PDCD1LG2: variants seen among roughly 807,000 people sequenced by gnomAD.
The protein encoded by PDCD1LG2 is B7 dendritic cell molecule.
Under a neutral mutation model 28.2 loss-of-function variants are expected in PDCD1LG2, and 32 were observed. That is an observed-to-expected ratio of 1.13 (90% CI 0.86 to 1.52). The LOEUF is 1.52. Ranked by LOEUF, PDCD1LG2 falls within the 40% of genes most tolerant of loss-of-function variation. PDCD1LG2 has a pLI of 0.00. For missense variants in PDCD1LG2, 385 were observed against 323.8 expected (o/e 1.19, Z -1.45); for synonymous variants, 116 against 120.2 (o/e 0.97, Z 0.23).
chr9:5,534,969 G>A lies in PDCD1LG2; in HGVS notation c.280G>A (p.Val94Met), dbSNP rs749519579. Reference protein sequence around the residue: ...KASFHIPQVQVRDEGQYQCII... With the variant: ...KASFHIPQVQMRDEGQYQCII... ...CTCGTTCCACATACCTCAAGTCCAA[G>A]TGAGGGACGAAGGACAGTACCAATG... The change falls in exon 3 of 7, where the codon GTG becomes ATG. Residue 94 changes from valine (V) to methionine (M), a missense_variant. Coordinates refer to ENST00000397747, the MANE Select transcript of PDCD1LG2 (RefSeq NM_025239.4). 4 of 1,614,176 alleles carry A rather than the reference G, an allele frequency of 2.5e-6. No individual in the cohort carries two copies. The South Asian group carries it at 3.3e-5, about 13-fold the overall frequency.
intron 3 of PDCD1LG2, among the ~76,000 whole-genome samples, chr9:5,544,395 G>C (rs1181834006): frequency 6.6e-6 from 1 of 152,186 alleles, no homozygotes; most frequent in African/African-American, 2.4e-5. Context: ...TCTGGAGCCA[G>C]GGAAGAGATA....
chr9:5,528,699 G>C (rs929375318), intron 2 of PDCD1LG2, among the ~76,000 whole-genome samples: 4 of 152,076 alleles, frequency 2.6e-5, no homozygotes, highest in African/African-American at 9.7e-5. Context: ...TTAAACGATT[G>C]TTTAATTATT....
intron 4 of PDCD1LG2, among the ~76,000 whole-genome samples, chr9:5,550,704 T>A (rs1441433432): frequency 6.6e-6 from 1 of 152,032 alleles, no homozygotes; most frequent in Non-Finnish European, 1.5e-5. Flanking sequence ...TCTCTCTTTT[T>A]TTTTTTTGAG....
In PDCD1LG2 at chr9:5,510,719, C is replaced by T. The variant is rs974023635; in HGVS notation, c.-99C>T. ...TTTTGGCTGTTCATTTTGGTGGCTA[C>T]TATAAGGAAATCTAACACAAACAGC... is the stretch of plus-strand genomic sequence containing the variant. On this transcript the variant is annotated 5_prime_UTR_variant, in exon 1 of 7. Transcript: ENST00000397747. 1.3e-5 allele frequency: 2 copies of T among 152,614 alleles called. No homozygotes were observed. The highest frequency in any genetic ancestry group is 4.8e-5 in the African/African-American group (2 of 41,426). 9.5% of individuals were successfully genotyped at this position (152,614 alleles called of 1,614,324 possible).
Position 5,534,851 on chromosome 9 carries a change from A to G in PDCD1LG2, c.162A>G (p.Ala54=), listed in dbSNP as rs1182379142. 1 of 1,614,220 alleles carries G rather than the reference A, an allele frequency of 6.2e-7. No homozygotes were observed. The highest frequency in any genetic ancestry group is 2.2e-5 in the East Asian group (1 of 44,894). The change falls in exon 3 of 7, where the codon GCA becomes GCG. Residue 54 remains alanine, a synonymous_variant. Transcript: ENST00000397747. Reference sequence around the variant, plus strand: ...CTGGAAGTCATGTGAACCTTGGAGCAATAACAGCCAGTTTGCAAAAGGTGG... The same window carrying G: ...CTGGAAGTCATGTGAACCTTGGAGCGATAACAGCCAGTTTGCAAAAGGTGG... ...FDTGSHVNLG[A]ITASLQKVEN...
intron 1 of PDCD1LG2, among the ~76,000 whole-genome samples, chr9:5,521,000 G>A (rs1467608908): frequency 1.3e-5 from 2 of 152,016 alleles, no homozygotes; most frequent in Admixed American, 6.6e-5. Context: ...AGCAAAATGT[G>A]GTATATCATA....
rs1469999653 is a variant in PDCD1LG2 at position 5,570,756 on chromosome 9, T to C, written c.*797T>C. 2 of 232,484 alleles carry C rather than the reference T, an allele frequency of 8.6e-6. No homozygotes were observed. Among genetic ancestry groups the C allele is most frequent in the Non-Finnish European group, 1.7e-5 (2 of 117,654 alleles). The allele number at this position is 232,484 out of a possible 1,614,324, so 14.4% of individuals were successfully genotyped here. On this transcript the variant is annotated 3_prime_UTR_variant, in exon 7 of 7. Coordinates refer to ENST00000397747, the MANE Select transcript of PDCD1LG2 (RefSeq NM_025239.4). ...AAATATTTGATATGCTCATACGTTG[T>C]ATCTGCAGCAATTTCAGATAAGTAG...
chr9:5,527,536 T>G (rs1446425382), intron 2 of PDCD1LG2, among the ~76,000 whole-genome samples: 1 of 152,258 alleles, frequency 6.6e-6, no homozygotes, highest in Non-Finnish European at 1.5e-5. Flanking sequence ...GTATACTATA[T>G]TTTGTTTATA....
At position 5,510,712 on chromosome 9, in the gene PDCD1LG2, G is replaced by A. The variant is rs1178984379; in HGVS notation, c.-106G>A. On this transcript the variant is annotated 5_prime_UTR_variant, in exon 1 of 7. It adds an upstream start codon to the 5' untranslated region. Coordinates refer to ENST00000397747, the MANE Select transcript of PDCD1LG2 (RefSeq NM_025239.4). The stretch of plus-strand genomic sequence containing the variant: ...TTTTTCCTTTTGGCTGTTCATTTTG[G>A]TGGCTACTATAAGGAAATCTAACAC... The A allele has an allele frequency of 1.3e-5, 2 of 152,590 alleles. No homozygotes were observed. Among genetic ancestry groups the A allele is most frequent in the Non-Finnish European group, 2.9e-5 (2 of 68,038 alleles). The allele number at this position is 152,590 out of a possible 1,614,324, so 9.5% of individuals were successfully genotyped here.
intron 4 of PDCD1LG2, among the ~76,000 whole-genome samples, chr9:5,553,629 G>A (rs1361352831): frequency 6.6e-6 from 1 of 152,182 alleles, no homozygotes; most frequent in African/African-American, 2.4e-5. Context: ...TTTACGCTGT[G>A]AGAAGTTAAC....
chr9:5,542,239 C>T (rs1343007072), intron 3 of PDCD1LG2, among the ~76,000 whole-genome samples: 3 of 152,168 alleles, frequency 2.0e-5, no homozygotes, highest in African/African-American at 7.2e-5. Flanking sequence ...TAGAAGATAA[C>T]ATCGAAAAAG....
At chr9:5,557,171 GC>G (rs1816459039) in intron 4 of PDCD1LG2, among the ~76,000 whole-genome samples, 1 of 152,070 alleles carries the variant, frequency 6.6e-6, no homozygotes, top group Non-Finnish European at 1.5e-5. Flanking sequence ...GAGAGACTTT[GC>G]CACTGGGAAG....
At chr9:5,515,994 C>T (rs1820154726) in intron 1 of PDCD1LG2, among the ~76,000 whole-genome samples, 1 of 150,772 alleles carries the variant, frequency 6.6e-6, no homozygotes, top group Non-Finnish European at 1.5e-5. Context: ...GCAACTGCTT[C>T]CCCTAGCTGG....
At chr9:5,521,531 A>G (rs1044412438) in intron 1 of PDCD1LG2, among the ~76,000 whole-genome samples, 1 of 152,178 alleles carries the variant, frequency 6.6e-6, no homozygotes, top group Non-Finnish European at 1.5e-5. Context: ...ACTCTAAGCT[A>G]TCAGCATTTC....
chr9:5,522,438 A>G, intron 1 of PDCD1LG2, 95 bp from the exon 2 acceptor site: 1 of 922,916 alleles, frequency 1.1e-6, no homozygotes. Flanking sequence ...CCTTCCCCAA[A>G]TGATTTGTTA....
chr9:5,539,349 G>T (rs1820645719), intron 3 of PDCD1LG2, among the ~76,000 whole-genome samples: 1 of 152,152 alleles, frequency 6.6e-6, no homozygotes, highest in African/African-American at 2.4e-5. Flanking sequence ...CCCAATGAGG[G>T]TTCCCATGAA....
chr9:5,519,462 T>C (rs946278890), intron 1 of PDCD1LG2, among the ~76,000 whole-genome samples: 6 of 152,128 alleles, frequency 3.9e-5, no homozygotes, highest in Non-Finnish European at 5.9e-5. Flanking sequence ...GAAAATAAAA[T>C]GCATGGATAA....
chr9:5,524,001 T>C (rs1332977048), intron 2 of PDCD1LG2, among the ~76,000 whole-genome samples: 2 of 152,282 alleles, frequency 1.3e-5, no homozygotes, highest in Middle Eastern at 3.4e-3. Context: ...CACAAGACAA[T>C]GAAGATAGGC....
chr9:5,552,816 C>T (rs1212183834), intron 4 of PDCD1LG2, among the ~76,000 whole-genome samples: 1 of 152,152 alleles, frequency 6.6e-6, no homozygotes, highest in East Asian at 1.9e-4. Flanking sequence ...TCATCTCTCC[C>T]CTTTTCCCAC....
Sources: gnomAD v4.1 joint callset for allele counts (sites outside exome capture counted in the v4.1 genomes callset) on GRCh38, gnomAD v4.1.1 for gene constraint, MANE v1.5 for transcripts, NCBI Gene and HGNC (gene_info 2026-07-23, HGNC 2026-07-21) for gene names.